The following LRP1B variants were observed in gnomAD, a reference collection of about 807,000 sequenced individuals.
LRP1B encodes LDL receptor related protein 1B.
A neutral mutation model predicts 556.6 loss-of-function variants in LRP1B; 217 were observed. That is an observed-to-expected ratio of 0.39 (90% confidence interval 0.35 to 0.44). The LOEUF (loss-of-function observed/expected upper bound fraction) is 0.44. Among genes scored for constraint, LRP1B ranks in the 20% least tolerant of loss-of-function variants. LRP1B has a pLI of 1.00. For synonymous variants in LRP1B, 2,047 were observed against 1,865.8 expected (o/e 1.10, Z -2.50); for missense variants, 5,053 against 5,620.8 (o/e 0.90, Z 3.23).
At chr2:140,883,733 A>G (rs1693548446) in intron 25 of LRP1B, 84 bp downstream of exon 25, 5 of 1,335,492 alleles carry the variant, frequency 3.7e-6, no homozygotes, top group Non-Finnish European at 2.1e-6. Flanking sequence ...TTGACTCATA[A>G]TTGATGAGAT....
At chr2:141,549,832 T>C (rs1264617805) in intron 2 of LRP1B, among the ~76,000 whole-genome samples, 1 of 152,048 alleles carries the variant, frequency 6.6e-6, no homozygotes, top group African/African-American at 2.4e-5. Context: ...CCATCTCTAC[T>C]AAGAATACAA....
chr2:141,602,268 T>C (rs778575977), intron 2 of LRP1B, among the ~76,000 whole-genome samples: 4 of 152,190 alleles, frequency 2.6e-5, no homozygotes, highest in Non-Finnish European at 4.4e-5. Flanking sequence ...CTTTGCACCA[T>C]AAATCTGGTG....
chr2:141,008,479 A>T (rs1453602694), intron 14 of LRP1B, among the ~76,000 whole-genome samples: 1 of 151,432 alleles, frequency 6.6e-6, no homozygotes, highest in Non-Finnish European at 1.5e-5. Context: ...GCTCTCAAAC[A>T]CTAACTTATT....
At chr2:141,304,224 C>G (rs1686499013) in intron 3 of LRP1B, among the ~76,000 whole-genome samples, 1 of 151,994 alleles carries the variant, frequency 6.6e-6, no homozygotes, top group African/African-American at 2.4e-5. Context: ...TGTCATTTTA[C>G]TCTGATGATT....
chr2:140,377,600 T>A (rs532242503), intron 68 of LRP1B, among the ~76,000 whole-genome samples: 1 of 152,172 alleles, frequency 6.6e-6, no homozygotes, highest in Non-Finnish European at 1.5e-5. Flanking sequence ...ACAAATTGTA[T>A]GAAGTATTAT....
intron 9 of LRP1B, 85 bp downstream of exon 9, chr2:141,058,798 C>G (rs189985686): frequency 9.1e-7 from 1 of 1,096,524 alleles, no homozygotes; most frequent in Non-Finnish European, 1.2e-6. Flanking sequence ...ATGACTCACT[C>G]ACTTCAACAC....
Position 140,256,544 on chromosome 2 carries a change from C to T in LRP1B, c.13248-9382G>A, listed in dbSNP as rs1419435939. 8.9e-5 allele frequency among the ~76,000 whole-genome samples: 12 copies of T among 134,338 alleles called. 1 individual carries two copies. The highest frequency in any genetic ancestry group is 8.2e-4 in the Admixed American group (10 of 12,182). The allele number at this position is 134,338 out of a possible 152,430, so 88.1% of individuals were successfully genotyped here. A position where few individuals can be genotyped will look rare whatever the true frequency, so the allele number is the denominator to read the frequency against. ...AGTGCAGTGGCGCGATCTCAGCTCA[C>T]TGCAACCTCTGCCTCCCAGGTTCAA... On this transcript the variant is annotated intron_variant, in intron 86 of 90. Coordinates refer to ENST00000389484, the MANE Select transcript of LRP1B (RefSeq NM_018557.3).
intron 3 of LRP1B, among the ~76,000 whole-genome samples, chr2:141,316,160 C>T (rs1376139733): frequency 6.6e-6 from 1 of 151,940 alleles, no homozygotes; most frequent in Non-Finnish European, 1.5e-5. Context: ...TGACATGAAT[C>T]TTCTCCTGTC....
At chr2:141,439,556 A>G (rs894954792) in intron 3 of LRP1B, among the ~76,000 whole-genome samples, 2 of 152,152 alleles carry the variant, frequency 1.3e-5, no homozygotes, top group Admixed American at 1.3e-4. Flanking sequence ...CTCTAATTAT[A>G]CAGCTAGCTA....
intron 1 of LRP1B, among the ~76,000 whole-genome samples, chr2:141,833,816 C>T (rs780582454): frequency 3.5e-4 from 51 of 146,718 alleles, no homozygotes; most frequent in Non-Finnish European, 6.0e-4. Context: ...GATGAGGGCA[C>T]CCTTCCTTTC....
chr2:141,734,048 G>C (rs994439987), intron 2 of LRP1B, among the ~76,000 whole-genome samples: 1 of 151,940 alleles, frequency 6.6e-6, no homozygotes, highest in African/African-American at 2.4e-5. Flanking sequence ...TAGGCACTTA[G>C]TATTTGTTGA....
At chr2:141,081,873 GC>G (rs1699930740) in intron 7 of LRP1B, among the ~76,000 whole-genome samples, 1 of 152,046 alleles carries the variant, frequency 6.6e-6, no homozygotes, top group South Asian at 2.1e-4. Context: ...TCACAGATTT[GC>G]CAGACAATAC....
intron 55 of LRP1B, among the ~76,000 whole-genome samples, 179 bp downstream of exon 55, chr2:140,501,508 A>G (rs751367147): frequency 2.6e-5 from 4 of 151,996 alleles, no homozygotes; most frequent in Non-Finnish European, 4.4e-5. Context: ...CTTCTTAACT[A>G]TATTCTCACA....
At chr2:140,540,648 C>T (rs1021750272) in intron 45 of LRP1B, among the ~76,000 whole-genome samples, 1 of 152,054 alleles carries the variant, frequency 6.6e-6, no homozygotes, top group Non-Finnish European at 1.5e-5. Context: ...ATTACTTTTG[C>T]TATTGATTGA....
At chr2:141,149,938 A>T (rs1425502113) in intron 7 of LRP1B, among the ~76,000 whole-genome samples, 3 of 152,218 alleles carry the variant, frequency 2.0e-5, no homozygotes, top group Non-Finnish European at 2.9e-5. Context: ...ACTGAAATAA[A>T]TTGGTAGACT....
chr2:141,966,812 C>G (rs538782477), intron 1 of LRP1B, among the ~76,000 whole-genome samples: 1 of 151,710 alleles, frequency 6.6e-6, no homozygotes, highest in Non-Finnish European at 1.5e-5. Flanking sequence ...TCATTCTAAC[C>G]CATTTCTCTC....
At chr2:140,955,855 G>C (rs554978039) in intron 18 of LRP1B, among the ~76,000 whole-genome samples, 1 of 151,636 alleles carries the variant, frequency 6.6e-6, no homozygotes, top group African/African-American at 2.4e-5. Flanking sequence ...CTCTGACCTA[G>C]GAATTTTCCT....
In LRP1B at chr2:142,047,773, G is replaced by A. The variant is rs534548590; in HGVS notation, c.82+82875C>T. On this transcript the variant is annotated intron_variant, in intron 1 of 90. Coordinates refer to ENST00000389484, the MANE Select transcript of LRP1B (RefSeq NM_018557.3). ...CACATCCTGGGAGATGCTCTGTTTT[G>A]CTTCTTCCCTGGTCTGCTTCAGAGG... is the stretch of plus-strand genomic sequence containing the variant. Among the ~76,000 whole-genome samples, 13 of 151,968 alleles carry A rather than the reference G, an allele frequency of 8.6e-5. 1 individual carries two copies. In the South Asian group the frequency reaches 1.2e-3, roughly 15 times the overall value.
intron 1 of LRP1B, among the ~76,000 whole-genome samples, chr2:141,883,035 T>C (rs1202716317): frequency 1.3e-5 from 2 of 152,070 alleles, no homozygotes; most frequent in Non-Finnish European, 1.5e-5. Context: ...AGTTGGAAAA[T>C]AGATGATATA....
Sources: allele counts gnomAD v4.1 joint callset (sites outside exome capture counted in the v4.1 genomes callset), GRCh38; gene constraint gnomAD v4.1.1; transcripts MANE v1.5; gene names NCBI Gene and HGNC (gene_info 2026-07-23, HGNC 2026-07-21).